The following CNTNAP5 variants were observed in gnomAD, a reference collection of about 807,000 sequenced individuals.
The protein encoded by CNTNAP5 is contactin associated protein family member 5.
A neutral mutation model predicts 150.2 loss-of-function variants in CNTNAP5; 72 were observed. That is an observed-to-expected ratio of 0.48 (90% CI 0.40 to 0.58). The LOEUF (loss-of-function observed/expected upper bound fraction) is 0.58. Among genes scored for constraint, CNTNAP5 ranks in the 20% least tolerant of loss-of-function variants. The pLI, the probability that CNTNAP5 is intolerant of heterozygous loss-of-function variation, is 0.00. For synonymous variants in CNTNAP5, 672 were observed against 619.8 expected, an observed-to-expected ratio of 1.08 and a Z score of -1.25; for missense variants, 1,636 against 1,626.2, an observed-to-expected ratio of 1.01 and a Z score of -0.10.
rs751150190 is a variant in CNTNAP5, at chr2:124,048,065, C to T, written c.82+22333C>T. Among the ~76,000 whole-genome samples the T allele has an allele frequency of 4.6e-5, 7 of 152,174 alleles. 1 individual carries two copies. The highest frequency in any genetic ancestry group is 2.6e-4 in the Admixed American group (4 of 15,276). ...ATTCATTTCTTTATTTTATTTAGCA[C>T]GATTTCTCTGTGTCTCTAACACATT... On this transcript the variant is annotated intron_variant, in intron 1 of 23. Transcript: ENST00000682447.
intron 6 of CNTNAP5, among the ~76,000 whole-genome samples, chr2:124,462,931 A>G (rs1693286991): frequency 6.6e-6 from 1 of 152,202 alleles, no homozygotes; most frequent in Admixed American, 6.5e-5. Flanking sequence ...AAGGCAGATG[A>G]GGGACGAGAA....
At chr2:124,057,620 T>A (rs1301797848) in intron 1 of CNTNAP5, among the ~76,000 whole-genome samples, 1 of 151,784 alleles carries the variant, frequency 6.6e-6, no homozygotes, top group Non-Finnish European at 1.5e-5. Context: ...ATAGATATAT[T>A]ACTTCTTACC....
chr2:124,035,436 A>G (rs983804352), intron 1 of CNTNAP5, among the ~76,000 whole-genome samples: 4 of 148,474 alleles, frequency 2.7e-5, no homozygotes, highest in African/African-American at 1.0e-4. Flanking sequence ...TCTTCCTTCT[A>G]CCTCCCTTCC....
intron 13 of CNTNAP5, among the ~76,000 whole-genome samples, chr2:124,676,982 C>G (rs1433513337): frequency 1.3e-5 from 2 of 152,150 alleles, no homozygotes; most frequent in African/African-American, 4.8e-5. Flanking sequence ...CATCTCAGTT[C>G]TTGACATTTT....
chr2:124,317,029 T>C (rs908197643), intron 3 of CNTNAP5, among the ~76,000 whole-genome samples: 5 of 152,050 alleles, frequency 3.3e-5, no homozygotes, highest in African/African-American at 9.7e-5. Flanking sequence ...AAAGGTTATG[T>C]TGAGCATGCA....
intron 13 of CNTNAP5, among the ~76,000 whole-genome samples, chr2:124,711,520 A>G (rs959092347): frequency 2.6e-5 from 4 of 152,128 alleles, no homozygotes; most frequent in African/African-American, 9.7e-5. Context: ...TTTCGACCAT[A>G]AGTAACAGCA....
chr2:124,679,443 T>C lies in CNTNAP5; in HGVS notation c.2077+31485T>C, dbSNP rs556659012. On this transcript the variant is annotated intron_variant, in intron 13 of 23. Transcript: ENST00000682447. ...AAACAATCACATATGGTGACCCTCATAGAGGACAGACACCCTTTAATCTCT... is the reference window on the plus strand; with the variant it reads ...AAACAATCACATATGGTGACCCTCACAGAGGACAGACACCCTTTAATCTCT... 3.3e-5 allele frequency among the ~76,000 whole-genome samples: 5 copies of C among 151,994 alleles called. No homozygotes were observed. The East Asian group carries it at 5.8e-4, about 18-fold the overall frequency.
At chr2:124,194,029 C>T (rs1337484618) in intron 1 of CNTNAP5, among the ~76,000 whole-genome samples, 5 of 152,082 alleles carry the variant, frequency 3.3e-5, no homozygotes, top group Admixed American at 6.6e-5. Context: ...ATCTTTCTTG[C>T]GATAGCTTTG....
intron 7 of CNTNAP5, among the ~76,000 whole-genome samples, chr2:124,496,368 C>A (rs1163370182): frequency 6.6e-6 from 1 of 152,086 alleles, no homozygotes; most frequent in African/African-American, 2.4e-5. Flanking sequence ...CAAGAACTGG[C>A]TTTGAAATCT....
chr2:124,864,182 A>C (rs573001823), intron 19 of CNTNAP5, among the ~76,000 whole-genome samples: 1 of 152,272 alleles, frequency 6.6e-6, no homozygotes, highest in African/African-American at 2.4e-5. Context: ...CCCCATGGCA[A>C]TTTTTAAATA....
At chr2:124,516,322 C>T (rs1694716237) in intron 8 of CNTNAP5, among the ~76,000 whole-genome samples, 1 of 152,036 alleles carries the variant, frequency 6.6e-6, no homozygotes, top group Non-Finnish European at 1.5e-5. Context: ...AGACAGTCAA[C>T]AAAAGTTGAC....
intron 19 of CNTNAP5, among the ~76,000 whole-genome samples, chr2:124,831,910 C>T (rs996620522): frequency 6.6e-6 from 1 of 151,974 alleles, no homozygotes; most frequent in African/African-American, 2.4e-5. Context: ...ACCATTTTTA[C>T]AGCCTGTGAA....
At chr2:124,123,601 C>T (rs1305474301) in intron 1 of CNTNAP5, among the ~76,000 whole-genome samples, 1 of 152,170 alleles carries the variant, frequency 6.6e-6, no homozygotes, top group Non-Finnish European at 1.5e-5. Flanking sequence ...GGACAGAATG[C>T]CTCCTCAAGT....
rs548750053 is a variant in CNTNAP5 at position 124,045,876 on chromosome 2, T to G, written c.82+20144T>G. 2.6e-5 allele frequency among the ~76,000 whole-genome samples: 4 copies of G among 152,266 alleles called. 1 individual carries two copies. The South Asian group carries it at 8.3e-4, about 32-fold the overall frequency. On this transcript the variant is annotated intron_variant, in intron 1 of 23. Coordinates refer to ENST00000682447, the MANE Select transcript of CNTNAP5 (RefSeq NM_001367498.1). ...GCTATGGGTGCCACATTAGGACCCTTAAAAATTCACATTCTTTGTTTAAGA... is the reference window on the plus strand; with the variant it reads ...GCTATGGGTGCCACATTAGGACCCTGAAAAATTCACATTCTTTGTTTAAGA...
chr2:124,295,822 A>G (rs1688415252), intron 3 of CNTNAP5, among the ~76,000 whole-genome samples: 1 of 152,200 alleles, frequency 6.6e-6, no homozygotes. Flanking sequence ...CATATAGGGT[A>G]ACTTCCTGAC....
At chr2:124,522,022 G>T (rs1340793767) in intron 8 of CNTNAP5, among the ~76,000 whole-genome samples, 1 of 152,176 alleles carries the variant, frequency 6.6e-6, no homozygotes, top group African/African-American at 2.4e-5. Context: ...GATCTGGCTT[G>T]AGAGATCTGG....
At chr2:124,243,597 A>T (rs892867269) in intron 3 of CNTNAP5, among the ~76,000 whole-genome samples, 6 of 152,162 alleles carry the variant, frequency 3.9e-5, no homozygotes, top group Non-Finnish European at 8.8e-5. Flanking sequence ...TTTCAAAAAT[A>T]GTCTAAACAG....
chr2:124,738,562 G>A (rs940682911), intron 13 of CNTNAP5, among the ~76,000 whole-genome samples: 10 of 151,754 alleles, frequency 6.6e-5, no homozygotes, highest in East Asian at 1.9e-4. Context: ...GTGAAACCCC[G>A]TCCTACTAAA....
chr2:124,810,788 C>T (rs1157150306), intron 19 of CNTNAP5, among the ~76,000 whole-genome samples: 2 of 152,054 alleles, frequency 1.3e-5, no homozygotes, highest in African/African-American at 4.8e-5. Flanking sequence ...ATTGCCCTCC[C>T]AGATCCTCTG....
Sources: allele counts gnomAD v4.1 joint callset (sites outside exome capture counted in the v4.1 genomes callset), GRCh38; gene constraint gnomAD v4.1.1; transcripts MANE v1.5; gene names NCBI Gene and HGNC (gene_info 2026-07-23, HGNC 2026-07-21).